The following MAGI2 variants were observed in gnomAD, a reference collection of about 807,000 sequenced individuals.
MAGI2 encodes membrane associated guanylate kinase, WW and PDZ domain containing 2, also known as membrane-associated guanylate kinase, WW and PDZ domain-containing protein 2.
Under a neutral mutation model 133.3 loss-of-function variants are expected in MAGI2, and 35 were observed. The observed-to-expected ratio is 0.26, with a 90% CI of 0.20 to 0.35. The LOEUF (loss-of-function observed/expected upper bound fraction) is 0.35. Ranked by LOEUF, MAGI2 falls within the 10% of genes least tolerant of loss-of-function variation. MAGI2 has a pLI of 1.00. For missense variants in MAGI2, 1,636 were observed against 1,863.4 expected (o/e 0.88, Z 2.25); for synonymous variants, 729 against 710.6 (o/e 1.03, Z -0.41).
chr7:78,854,577 T>G (rs1028246162), intron 2 of MAGI2, among the ~76,000 whole-genome samples: 1 of 151,976 alleles, frequency 6.6e-6, no homozygotes, highest in Non-Finnish European at 1.5e-5. Flanking sequence ...TAATTATGAG[T>G]GATTCATATT....
At chr7:78,673,568 A>G (rs1443714811) in intron 2 of MAGI2, among the ~76,000 whole-genome samples, 1 of 152,112 alleles carries the variant, frequency 6.6e-6, no homozygotes. Context: ...GCCAAGAAGA[A>G]GACCAATGTC....
chr7:78,767,650 A>G (rs1395017807), intron 2 of MAGI2, among the ~76,000 whole-genome samples: 1 of 152,228 alleles, frequency 6.6e-6, no homozygotes, highest in East Asian at 1.9e-4. Flanking sequence ...ACTACTTAAG[A>G]TATTCTCAGA....
At chr7:78,946,883 T>G (rs900187591) in intron 2 of MAGI2, 4 of 152,136 alleles carry the variant, frequency 2.6e-5, no homozygotes, top group Non-Finnish European at 5.9e-5. Flanking sequence ...CTTTATTGAT[T>G]GAAGTGGGAT....
chr7:79,416,304 T>A (rs2129175404), intron 1 of MAGI2, among the ~76,000 whole-genome samples: 1 of 151,942 alleles, frequency 6.6e-6, no homozygotes, highest in Admixed American at 6.6e-5. Context: ...ACAAATGCAA[T>A]TTCTGACTTG....
At chr7:78,823,921 A>G (rs1790390072) in intron 2 of MAGI2, among the ~76,000 whole-genome samples, 1 of 152,002 alleles carries the variant, frequency 6.6e-6, no homozygotes, top group Non-Finnish European at 1.5e-5. Context: ...ACACACACAC[A>G]CACACACACA....
chr7:78,105,759 G>A (rs1000376024), intron 20 of MAGI2, among the ~76,000 whole-genome samples: 2 of 151,244 alleles, frequency 1.3e-5, no homozygotes, highest in African/African-American at 4.9e-5. Context: ...TATATTTATG[G>A]GATACATGTG....
At chr7:79,249,389 C>T (rs1030594045) in intron 1 of MAGI2, among the ~76,000 whole-genome samples, 39 of 149,426 alleles carry the variant, frequency 2.6e-4, no homozygotes, top group African/African-American at 8.1e-4. Flanking sequence ...AAAATTTTAG[C>T]GAGACTAGCT....
intron 2 of MAGI2, among the ~76,000 whole-genome samples, chr7:78,759,490 A>G (rs1460108859): frequency 6.6e-6 from 1 of 152,158 alleles, no homozygotes. Flanking sequence ...TGTGTAACCA[A>G]AAGGAGAATT....
rs192618707 is a variant in MAGI2 at position 79,173,283 on chromosome 7, A to G, written c.302-166077T>C. Among the ~76,000 whole-genome samples, 856 of 152,170 alleles carry G rather than the reference A, an allele frequency of 5.6e-3. 3 individuals are homozygous for G. Among genetic ancestry groups the G allele is most frequent in the Non-Finnish European group, 8.9e-3 (606 of 68,000 alleles). ...AGCAGTGTCATGTTCTTGCATAGAA[A>G]AAATGACTTCATTTCCCAAATTAAT... On this transcript the variant is annotated intron_variant, in intron 1 of 21. Transcript: ENST00000354212.
intron 16 of MAGI2, among the ~76,000 whole-genome samples, chr7:78,140,407 T>C (rs1012430322): frequency 2.6e-5 from 4 of 152,202 alleles, no homozygotes; most frequent in Non-Finnish European, 5.9e-5. Context: ...GAGTTATATG[T>C]GGAGAAAGTA....
rs188833488 is a variant in MAGI2, at chr7:78,636,691, G to C, written c.419-9452C>G. Among the ~76,000 whole-genome samples the C allele has an allele frequency of 1.4e-3, 220 of 152,136 alleles. 1 individual carries two copies. Among genetic ancestry groups the C allele is most frequent in the Non-Finnish European group, 2.7e-3 (186 of 67,982 alleles). The stretch of plus-strand genomic sequence containing the variant: ...CGGGCGCCTGTAGTCCCAGCTACTC[G>C]GGACGCTGAGGCAGGAGAATGGCGT... On this transcript the variant is annotated intron_variant, in intron 2 of 21. Transcript: ENST00000354212.
At chr7:78,771,603 G>T (rs1585364879) in intron 2 of MAGI2, among the ~76,000 whole-genome samples, 1 of 152,262 alleles carries the variant, frequency 6.6e-6, no homozygotes, top group East Asian at 1.9e-4. Flanking sequence ...GAATCATCCA[G>T]CTGAACAATT....
intron 2 of MAGI2, among the ~76,000 whole-genome samples, chr7:78,659,114 C>A (rs1480398012): frequency 1.3e-5 from 2 of 152,018 alleles, no homozygotes; most frequent in Non-Finnish European, 2.9e-5. Flanking sequence ...ACAACCATAC[C>A]ATGAAATACT....
chr7:79,433,552 CAAA>C (rs201784348), intron 1 of MAGI2, among the ~76,000 whole-genome samples: 1 of 118,664 alleles, frequency 8.4e-6, no homozygotes. Flanking sequence ...GACTCTGTCT[CAAA>C]AAAAAAAAAA....
At chr7:78,818,467 G>GT (rs1789800500) in intron 2 of MAGI2, among the ~76,000 whole-genome samples, 1 of 152,180 alleles carries the variant, frequency 6.6e-6, no homozygotes, top group African/African-American at 2.4e-5. Context: ...TGCTATTTAT[G>GT]TGAGTGGATG....
intron 1 of MAGI2, among the ~76,000 whole-genome samples, chr7:79,403,767 A>C (rs533364337): frequency 6.6e-6 from 1 of 152,308 alleles, no homozygotes; most frequent in Admixed American, 6.5e-5. Flanking sequence ...GAGAAAAGAT[A>C]TTTTCAAAAT....
intron 1 of MAGI2, among the ~76,000 whole-genome samples, chr7:79,399,764 A>G (rs1477840724): frequency 2.6e-5 from 4 of 152,178 alleles, no homozygotes; most frequent in Non-Finnish European, 1.5e-5. Flanking sequence ...CATGCATCTA[A>G]TCCAGTCTTA....
At chr7:78,221,085 T>G (rs183823886) in intron 10 of MAGI2, among the ~76,000 whole-genome samples, 1 of 152,228 alleles carries the variant, frequency 6.6e-6, no homozygotes, top group Non-Finnish European at 1.5e-5. Flanking sequence ...TAGCATGTCA[T>G]GAATTTCCTC....
At chr7:79,011,133 G>A (rs1808045653) in intron 1 of MAGI2, 1 of 152,168 alleles carries the variant, frequency 6.6e-6, no homozygotes, top group African/African-American at 2.4e-5. Flanking sequence ...GGTGGGGAGT[G>A]AGGGAAGCAC....
Sources: allele counts gnomAD v4.1 joint callset (sites outside exome capture counted in the v4.1 genomes callset), GRCh38; gene constraint gnomAD v4.1.1; transcripts MANE v1.5; gene names NCBI Gene and HGNC (gene_info 2026-07-23, HGNC 2026-07-21).